The following GSE1 variants were observed in gnomAD, a reference collection of about 807,000 sequenced individuals.
GSE1 encodes the protein genetic suppressor element 1.
A neutral mutation model predicts 112.6 loss-of-function variants in GSE1; 32 were observed. The observed-to-expected ratio is 0.28, with a 90% CI of 0.21 to 0.38. GSE1 has a LOEUF of 0.38. Ranked by LOEUF, GSE1 falls within the 10% of genes least tolerant of loss-of-function variation. The pLI, the probability that GSE1 is intolerant of heterozygous loss-of-function variation, is 1.00. For synonymous variants in GSE1, 1,115 were observed against 735.6 expected (o/e 1.52, Z -8.35); for missense variants, 2,348 against 1,699.2 (o/e 1.38, Z -6.71).
At chr16:85,545,770 T>G (rs2044672941) in intron 2 of GSE1, among the ~76,000 whole-genome samples, 1 of 151,428 alleles carries the variant, frequency 6.6e-6, no homozygotes, top group Admixed American at 6.6e-5. Flanking sequence ...TTTGTTTTTT[T>G]GGTTTGTTTG....
chr16:85,225,123 TA>T (rs891412921), intron 1 of GSE1, among the ~76,000 whole-genome samples: 176 of 143,842 alleles, frequency 1.2e-3, no homozygotes, highest in Admixed American at 1.4e-3. Flanking sequence ...GATTCCCTCT[TA>T]AAAAAAAAAA....
In GSE1 at chr16:85,549,029, C is replaced by T. The variant is rs187981733; in HGVS notation, c.2465-84885C>T. 4.6e-5 allele frequency among the ~76,000 whole-genome samples: 7 copies of T among 152,214 alleles called. No homozygotes were observed. In the East Asian group the frequency reaches 7.7e-4, roughly 17 times the overall value. On this transcript the variant is annotated intron_variant, in intron 2 of 2. Coordinates refer to the GSE1 transcript ENST00000637419. ...GTCTTGATCTCTTGACCTCATGATC[C>T]GCCCGCCTCGGCCTCCCAATGTGCT...
At chr16:85,630,840 A>C (rs890296379) in intron 1 of GSE1, among the ~76,000 whole-genome samples, 4 of 152,038 alleles carry the variant, frequency 2.6e-5, no homozygotes, top group Admixed American at 6.5e-5. Flanking sequence ...CGGTTTCCCC[A>C]TCTGTACGCT....
intron 2 of GSE1, among the ~76,000 whole-genome samples, chr16:85,411,758 C>CTGTTA (rs2048558983): frequency 2.3e-5 from 1 of 43,580 alleles, no homozygotes; most frequent in African/African-American, 1.2e-4. Flanking sequence ...ATAATCCTCA[C>CTGTTA]CGTTACACTC....
At position 85,673,506 on chromosome 16, in the gene GSE1, G is replaced by GTGTT. The variant is rs562094216; in HGVS notation, c.*971_*974dup. 3.4e-4 allele frequency: 51 copies of GTGTT among 148,536 alleles called. No individual in the cohort carries two copies. The highest frequency in any genetic ancestry group is 8.7e-4 in the Admixed American group (13 of 14,858). The allele number at this position is 148,536 out of a possible 1,614,324, so 9.2% of individuals were successfully genotyped here. On this transcript the variant is annotated 3_prime_UTR_variant, in exon 16 of 16. Coordinates refer to ENST00000253458, the MANE Select transcript of GSE1 (RefSeq NM_014615.5). The stretch of plus-strand genomic sequence containing the variant: ...AAAAAAAAAAAAAACCTTGCTTTTA[G>GTGTT]TGTTTGTACTGCTGCTGGTCAGGAC...
chr16:85,399,074 C>A (rs542459100), intron 2 of GSE1, among the ~76,000 whole-genome samples: 1 of 152,086 alleles, frequency 6.6e-6, no homozygotes, highest in African/African-American at 2.4e-5. Context: ...ATTACATGCA[C>A]ATGTGTATGT....
chr16:85,510,181 C>T (rs999961881), intron 2 of GSE1, among the ~76,000 whole-genome samples: 2 of 152,158 alleles, frequency 1.3e-5, no homozygotes, highest in African/African-American at 2.4e-5. Flanking sequence ...CTCAGCTGCT[C>T]AGAAAGAAAG....
intron 1 of GSE1, among the ~76,000 whole-genome samples, chr16:85,558,418 C>T (rs1464649604): frequency 6.6e-6 from 1 of 152,232 alleles, no homozygotes; most frequent in Non-Finnish European, 1.5e-5. Flanking sequence ...CCCCTCTTCA[C>T]CTGCCACTGG....
At chr16:85,229,734 G>A (rs1597852712) in intron 1 of GSE1, among the ~76,000 whole-genome samples, 4 of 152,178 alleles carry the variant, frequency 2.6e-5, no homozygotes, top group South Asian at 2.1e-4. Flanking sequence ...AGCGCAGTTC[G>A]CAGCTCCAGG....
At chr16:85,177,987 C>T (rs191376275) in intron 1 of GSE1, among the ~76,000 whole-genome samples, 83 of 152,310 alleles carry the variant, frequency 5.4e-4, no homozygotes, top group Non-Finnish European at 8.7e-4. Flanking sequence ...CGTGTGTCTG[C>T]CCTGGGCCAG....
chr16:85,177,782 G>T (rs566781942), intron 1 of GSE1, among the ~76,000 whole-genome samples: 36 of 152,240 alleles, frequency 2.4e-4, no homozygotes, highest in African/African-American at 7.2e-4. Context: ...ACGCCATGGG[G>T]TTCTGTCCCT....
At chr16:85,652,387 A>C (rs938018286) in intron 3 of GSE1, among the ~76,000 whole-genome samples, 1 of 152,152 alleles carries the variant, frequency 6.6e-6, no homozygotes, top group African/African-American at 2.4e-5. Flanking sequence ...TCCCGGCCCC[A>C]CGCAGGGCGT....
At chr16:85,334,675 T>A (rs1397250291) in intron 1 of GSE1, among the ~76,000 whole-genome samples, 1 of 152,158 alleles carries the variant, frequency 6.6e-6, no homozygotes, top group Non-Finnish European at 1.5e-5. Flanking sequence ...AAGCCATTTT[T>A]CTTCCCCCTA....
At chr16:85,215,102 C>T (rs543021794) in intron 1 of GSE1, among the ~76,000 whole-genome samples, 50 of 152,310 alleles carry the variant, frequency 3.3e-4, no homozygotes, top group Non-Finnish European at 6.6e-4. Flanking sequence ...GCTACACAGA[C>T]ATGGGATTGT....
intron 2 of GSE1, among the ~76,000 whole-genome samples, chr16:85,391,310 T>A (rs1241422376): frequency 6.6e-6 from 1 of 152,234 alleles, no homozygotes; most frequent in South Asian, 2.1e-4. Flanking sequence ...CTTTTGTCAA[T>A]TGAGTAAACT....
intron 8 of GSE1, among the ~76,000 whole-genome samples, chr16:85,660,570 C>T (rs866032683): frequency 2.6e-5 from 4 of 152,068 alleles, no homozygotes; most frequent in Non-Finnish European, 4.4e-5. Flanking sequence ...ACCTGGTAGG[C>T]GGAGGTTGCA....
At chr16:85,444,750 A>G (rs1370099249) in intron 2 of GSE1, among the ~76,000 whole-genome samples, 2 of 152,144 alleles carry the variant, frequency 1.3e-5, no homozygotes, top group Non-Finnish European at 2.9e-5. Context: ...CTGAACCAGC[A>G]TCCAGCACAG....
At chr16:85,377,742 C>G (rs1407975384) in intron 2 of GSE1, among the ~76,000 whole-genome samples, 2 of 152,218 alleles carry the variant, frequency 1.3e-5, no homozygotes, top group African/African-American at 2.4e-5. Flanking sequence ...AGGCCTAGCC[C>G]AGGGTGAGCC....
intron 2 of GSE1, among the ~76,000 whole-genome samples, chr16:85,450,589 C>T (rs1024894069): frequency 1.9e-4 from 29 of 152,034 alleles, no homozygotes; most frequent in Middle Eastern, 3.4e-3. Context: ...GCTGGGATTA[C>T]AGGCGCCCGC....
Sources: allele counts gnomAD v4.1 joint callset (sites outside exome capture counted in the v4.1 genomes callset), GRCh38; gene constraint gnomAD v4.1.1; transcripts MANE v1.5; gene names NCBI Gene and HGNC (gene_info 2026-07-23, HGNC 2026-07-21).